INSR: variants seen among roughly 807,000 people sequenced by gnomAD.
The protein encoded by INSR is IR.
In INSR, 67 loss-of-function variants were observed where a neutral mutation model predicts 142.6. The ratio of observed to expected loss-of-function variants is 0.47; its 90% CI spans 0.39 to 0.58. The LOEUF is 0.58. Among genes scored for constraint, INSR ranks in the 20% least tolerant of loss-of-function variants. The probability of loss-of-function intolerance (pLI) is 0.00; values close to 1 mark genes in which losing one functional copy is unlikely to be tolerated. For synonymous variants in INSR, 756 were observed against 743.1 expected, an observed-to-expected ratio of 1.02 and a Z score of -0.28; for missense variants, 1,248 against 1,833.2, an observed-to-expected ratio of 0.68 and a Z score of 5.83.
rs183633463 is a variant in INSR at position 7,256,308 on chromosome 19, G to A, written c.652+11037C>T. On this transcript the variant is annotated intron_variant, in intron 2 of 21. Transcript: ENST00000302850. The stretch of plus-strand genomic sequence containing the variant: ...CAAAAAAAACACAACAATTAGCCGG[G>A]TGTGGTGGTGGGCGCCTGTAGTCCC... Among the ~76,000 whole-genome samples, 28 of 152,148 alleles carry A rather than the reference G, an allele frequency of 1.8e-4. No homozygotes were observed. In the East Asian group the frequency reaches 5.2e-3, roughly 28 times the overall value.
intron 13 of INSR, among the ~76,000 whole-genome samples, chr19:7,134,210 T>A (rs1972853000): frequency 6.6e-6 from 1 of 151,834 alleles, no homozygotes. Context: ...AGAAAGAAAC[T>A]AAAAAAAGAG....
chr19:7,221,363 G>T lies in INSR; in HGVS notation c.653-36726C>A, dbSNP rs1213707326. 2.1e-5 allele frequency among the ~76,000 whole-genome samples: 3 copies of T among 142,512 alleles called. No individual in the cohort carries two copies. The Admixed American group carries it at 2.3e-4, about 11-fold the overall frequency. The allele number at this position is 142,512 out of a possible 152,430, so 93.5% of individuals were successfully genotyped here. A position where few individuals can be genotyped will look rare whatever the true frequency, so the allele number is the denominator to read the frequency against. Reference sequence around the variant, plus strand: ...CACTCGAGCCTGGGCAATAGAGTGAGACTCTGTCAAAAAAAAGGAGGAGGA... The same window carrying T: ...CACTCGAGCCTGGGCAATAGAGTGATACTCTGTCAAAAAAAAGGAGGAGGA... On this transcript the variant is annotated intron_variant, in intron 2 of 21. Transcript: ENST00000302850.
chr19:7,172,086 A>G (rs1974027605), intron 5 of INSR, among the ~76,000 whole-genome samples: 2 of 151,492 alleles, frequency 1.3e-5, no homozygotes, highest in Admixed American at 1.3e-4. Context: ...TAATTTTTGT[A>G]CTTTTAGTAG....
chr19:7,250,469 A>G (rs4804443), intron 2 of INSR, among the ~76,000 whole-genome samples: 2 of 86,446 alleles, frequency 2.3e-5, no homozygotes, highest in African/African-American at 6.3e-5. Flanking sequence ...AAGAAAAGAA[A>G]GAAAGAAAAG....
At chr19:7,293,697 G>A in intron 1 of INSR, 95 bp downstream of exon 1, 1 of 1,055,612 alleles carries the variant, frequency 9.5e-7, no homozygotes, top group Non-Finnish European at 1.2e-6. Context: ...CCTGGGGAGG[G>A]TTCTCAGTCC....
At position 7,125,451 on chromosome 19, in the gene INSR, C is replaced by T; in HGVS notation, c.3090G>A (p.Gly1030=). ...CATACACCATGCCGAAGGAGCCCTG[C>T]CCCAGCTCTCGAAGGAGGGTGATCT... The part of the protein sequence containing the change: ...REKITLLREL[G]QGSFGMVYEG... Residue 1030 remains glycine, a synonymous_variant, in exon 17 of 22, where the codon GGG becomes GGA. Transcript: ENST00000302850. This position sits in a 1 kb window ranked among gnomAD's most constrained non-coding sequence, Gnocchi z 4.9. The T allele has an allele frequency of 2.5e-6, 4 of 1,614,138 alleles. No homozygotes were observed. The highest frequency in any genetic ancestry group is 3.4e-6 in the Non-Finnish European group (4 of 1,180,026).
intron 2 of INSR, among the ~76,000 whole-genome samples, chr19:7,191,059 G>T (rs1036398555): frequency 6.6e-6 from 1 of 152,128 alleles, no homozygotes; most frequent in African/African-American, 2.4e-5. Context: ...CACTTTGGGA[G>T]GCCGTGGCAG....
chr19:7,293,669 TG>T, intron 1 of INSR, 122 bp downstream of exon 1: 3 of 822,100 alleles, frequency 3.6e-6, no homozygotes, highest in Non-Finnish European at 4.8e-6. Context: ...GCTACCGTCC[TG>T]GCCACCGCCC....
intron 17 of INSR, among the ~76,000 whole-genome samples, chr19:7,124,420 TC>T (rs1972572753): frequency 7.0e-6 from 1 of 143,434 alleles, no homozygotes; most frequent in Non-Finnish European, 1.5e-5. Flanking sequence ...GCGCCTGTAG[TC>T]CCAGCTACTC....
intron 11 of INSR, among the ~76,000 whole-genome samples, chr19:7,143,451 G>A (rs531581864): frequency 7.9e-5 from 12 of 152,326 alleles, no homozygotes; most frequent in East Asian, 7.7e-4. Context: ...CCAAAAGCAC[G>A]TAAGAGTCTA....
At chr19:7,149,683 G>A (rs966916028) in intron 11 of INSR, among the ~76,000 whole-genome samples, 5 of 152,014 alleles carry the variant, frequency 3.3e-5, no homozygotes, top group Non-Finnish European at 7.4e-5. Flanking sequence ...TTAGCCGGGC[G>A]TGGTGGCGCA....
Position 7,246,912 on chromosome 19 carries a change from A to AGTTAACACAC in INSR, c.652+20432_652+20433insGTGTGTTAAC, listed in dbSNP as rs1568215498. ...GCAAAAGCTAGCTGATACAAGCTCC[A>AGTTAACACAC]TGAATGAACTTGGATACAAGTTCCT... On this transcript the variant is annotated intron_variant, in intron 2 of 21. Coordinates refer to ENST00000302850, the MANE Select transcript of INSR (RefSeq NM_000208.4). Among the ~76,000 whole-genome samples the AGTTAACACAC allele has an allele frequency of 2.4e-3, 296 of 124,804 alleles. 7 individuals carry two copies. The highest frequency in any genetic ancestry group is 0.013 in the African/African-American group (235 of 18,794). 81.9% of individuals were successfully genotyped at this position (124,804 alleles called of 152,430 possible).
At chr19:7,244,542 A>AAAAAAAAAAG (rs1258134044) in intron 2 of INSR, among the ~76,000 whole-genome samples, 6 of 150,682 alleles carry the variant, frequency 4.0e-5, no homozygotes, top group East Asian at 1.9e-4. Context: ...CAAAAAGAAA[A>AAAAAAAAAAG]AAAAAGATTT....
chr19:7,262,667 A>T (rs1977100288), intron 2 of INSR, among the ~76,000 whole-genome samples: 1 of 152,184 alleles, frequency 6.6e-6, no homozygotes, highest in African/African-American at 2.4e-5. Flanking sequence ...ATTCAGCCTT[A>T]AAAAGGAAAG....
At chr19:7,226,232 C>G (rs1975775638) in intron 2 of INSR, among the ~76,000 whole-genome samples, 2 of 150,100 alleles carry the variant, frequency 1.3e-5, no homozygotes, top group African/African-American at 4.9e-5. Flanking sequence ...ATGGTGAAAC[C>G]ACATCTCTAC....
At chr19:7,202,808 GT>G (rs1237008324) in intron 2 of INSR, among the ~76,000 whole-genome samples, 3 of 151,980 alleles carry the variant, frequency 2.0e-5, no homozygotes, top group African/African-American at 7.3e-5. Flanking sequence ...GCCCTTTTCG[GT>G]TTTTTTGTTT....
rs898752762 is a variant in INSR at position 7,156,017 on chromosome 19, A to G, written c.2030-3090T>C. ...AATCAATTAATCAACCACACAAATA[A>G]GATGGGAGGGCAGAGTAGAATGCCA... On this transcript the variant is annotated intron_variant, in intron 9 of 21. Coordinates refer to ENST00000302850, the MANE Select transcript of INSR (RefSeq NM_000208.4). 3.3e-5 allele frequency among the ~76,000 whole-genome samples: 5 copies of G among 150,092 alleles called. No individual in the cohort carries two copies. The Admixed American group carries it at 3.3e-4, about 10-fold the overall frequency.
chr19:7,120,472 C>T lies in INSR; in HGVS notation c.3659+148G>A. 22 of 851,246 alleles carry T rather than the reference C, an allele frequency of 2.6e-5. No individual in the cohort carries two copies. The South Asian group carries it at 3.3e-4, about 13-fold the overall frequency. 52.7% of individuals were successfully genotyped at this position (851,246 alleles called of 1,614,324 possible). A position where few individuals can be genotyped will look rare whatever the true frequency, so the allele number is the denominator to read the frequency against. On this transcript the variant is annotated intron_variant, in intron 20 of 21. Transcript: ENST00000302850. ...AGGATTAGTCAGGACATAAGAGTAG[C>T]CGTGGGAAGATCCTAAGACAGGACG... is the stretch of plus-strand genomic sequence containing the variant.
intron 2 of INSR, among the ~76,000 whole-genome samples, chr19:7,203,494 C>T (rs565252880): frequency 1.3e-5 from 2 of 152,198 alleles, no homozygotes; most frequent in Admixed American, 1.3e-4. Flanking sequence ...AATCGATCTC[C>T]GTGGAAGGTC....
Sources: allele counts gnomAD v4.1 joint callset (sites outside exome capture counted in the v4.1 genomes callset), GRCh38; gene constraint gnomAD v4.1.1; non-coding constraint Gnocchi (gnomAD v3.1); transcripts MANE v1.5; gene names NCBI Gene and HGNC (gene_info 2026-07-23, HGNC 2026-07-21).